Variants in OCA2 observed in about 807,000 individuals in gnomAD.
OCA2 encodes OCA2 melanosomal transmembrane protein.
A neutral mutation model predicts 100.2 loss-of-function variants in OCA2; 77 were observed. The observed-to-expected ratio is 0.77, with a 90% CI of 0.64 to 0.93. The LOEUF is 0.93. Among genes scored for constraint, OCA2 ranks in the 40% least tolerant of loss-of-function variants. The pLI is 0.00. For synonymous variants in OCA2, 432 were observed against 439.2 expected, an observed-to-expected ratio of 0.98 and a Z score of 0.21; for missense variants, 1,062 against 1,089.1, an observed-to-expected ratio of 0.98 and a Z score of 0.35.
At chr15:28,034,306 C>T (rs1028872876) in intron 2 of OCA2, among the ~76,000 whole-genome samples, 1 of 151,988 alleles carries the variant, frequency 6.6e-6, no homozygotes. Context: ...AACAAAAATC[C>T]TTGGTTTTCT....
chr15:28,054,482 C>T (rs1325749952), intron 2 of OCA2, among the ~76,000 whole-genome samples: 1 of 152,180 alleles, frequency 6.6e-6, no homozygotes, highest in Middle Eastern at 3.2e-3. Flanking sequence ...CTCCCACACC[C>T]ATCTTGACTG....
rs377415710 is a variant in OCA2 at position 27,919,115 on chromosome 15, C to T, written c.2079+7012G>A. On this transcript the variant is annotated intron_variant, in intron 19 of 23. Transcript: ENST00000354638. ...AAAGAATCATGATTACTCTCATACC[C>T]ACAATTATATGAGGAGGTGCTAGGT... Among the ~76,000 whole-genome samples the T allele has an allele frequency of 1.2e-4, 19 of 152,212 alleles. No individual in the cohort carries two copies. In the South Asian group the frequency reaches 2.5e-3, roughly 20 times the overall value.
chr15:28,017,622 C>A (rs2042439734), intron 7 of OCA2, among the ~76,000 whole-genome samples: 1 of 152,210 alleles, frequency 6.6e-6, no homozygotes, highest in Non-Finnish European at 1.5e-5. Flanking sequence ...CATAATGAGA[C>A]CTTTGCTCTG....
At chr15:28,023,882 T>C (rs561618230) in intron 5 of OCA2, among the ~76,000 whole-genome samples, 18 of 149,960 alleles carry the variant, frequency 1.2e-4, no homozygotes, top group African/African-American at 3.9e-4. Context: ...CACACAGACA[T>C]AGAGCAGGCA....
At chr15:27,989,742 C>G (rs1474528006) in intron 10 of OCA2, 76 bp from the exon 11 acceptor site, 1 of 1,333,198 alleles carries the variant, frequency 7.5e-7, no homozygotes, top group South Asian at 1.2e-5. Context: ...AGCGCTGCCC[C>G]CTGCTGCAGA....
intron 21 of OCA2, among the ~76,000 whole-genome samples, chr15:27,861,709 T>C (rs1207166596): frequency 6.6e-6 from 1 of 152,028 alleles, no homozygotes. Context: ...CCATGGATTA[T>C]GGAAGAAAAA....
chr15:27,796,212 C>A (rs937324687), intron 23 of OCA2, among the ~76,000 whole-genome samples: 1 of 152,242 alleles, frequency 6.6e-6, no homozygotes, highest in African/African-American at 2.4e-5. Context: ...TCCTGGACAT[C>A]CATGCTAATT....
intron 19 of OCA2, among the ~76,000 whole-genome samples, chr15:27,874,951 A>G (rs1172179092): frequency 2.0e-5 from 3 of 152,248 alleles, no homozygotes; most frequent in South Asian, 4.1e-4. Context: ...ATGCAGCTAC[A>G]GGGAAATTTA....
chr15:27,730,308 A>T, the OCA2 span, among the ~76,000 whole-genome samples: 1 of 152,158 alleles, frequency 6.6e-6, no homozygotes, highest in African/African-American at 2.4e-5. Context: ...GGAGGGGTGC[A>T]CCGAGCTTCC....
At chr15:27,935,214 G>T (rs2039408951) in intron 18 of OCA2, among the ~76,000 whole-genome samples, 1 of 152,194 alleles carries the variant, frequency 6.6e-6, no homozygotes, top group Non-Finnish European at 1.5e-5. Context: ...GTTGAGTGGA[G>T]ATGAATACAG....
At chr15:28,059,639 T>C (rs940829144) in intron 2 of OCA2, among the ~76,000 whole-genome samples, 1 of 152,216 alleles carries the variant, frequency 6.6e-6, no homozygotes, top group African/African-American at 2.4e-5. Flanking sequence ...AAAAGAACAA[T>C]TTTTAAAGAC....
chr15:27,799,282 G>T (rs567175782), intron 23 of OCA2, among the ~76,000 whole-genome samples: 1 of 152,298 alleles, frequency 6.6e-6, no homozygotes, highest in East Asian at 1.9e-4. Context: ...ACACAGCAGT[G>T]AACACGTAGA....
chr15:27,964,439 G>A (rs1595728111), intron 15 of OCA2, among the ~76,000 whole-genome samples: 1 of 152,214 alleles, frequency 6.6e-6, no homozygotes, highest in African/African-American at 2.4e-5. Context: ...CACCTGGCAG[G>A]CTGGCCTGTC....
At position 27,983,392 on chromosome 15, in the gene OCA2, C is replaced by A. The variant is rs772324459; in HGVS notation, c.1456G>T (p.Asp486Tyr). ...NIGGAATAIG[D>Y]PPNVIIVSNQ... ...GAAACAATAATGACATTTGGAGGGT[C>A]CCCGATGGCAGTGGCAGCTCCTCCA... The change falls in exon 14 of 24, where the codon GAC becomes TAC. Residue 486 changes from aspartate (D) to tyrosine (Y), a missense_variant. Physicochemically the swap from Asp to Tyr is radical, Grantham distance 160 (BLOSUM62 -3). Coordinates refer to ENST00000354638, the MANE Select transcript of OCA2 (RefSeq NM_000275.3). The A allele has an allele frequency of 8.7e-6, 14 of 1,614,170 alleles. 1 individual carries two copies. The South Asian group carries it at 1.5e-4, about 18-fold the overall frequency.
intron 23 of OCA2, among the ~76,000 whole-genome samples, chr15:27,769,210 G>C (rs144923365): frequency 8.0e-4 from 122 of 152,234 alleles, no homozygotes; most frequent in South Asian, 2.7e-3. Context: ...ATCCATTCTG[G>C]CTCTCTCACC....
chr15:27,748,747 A>C, the OCA2 span, among the ~76,000 whole-genome samples: 1 of 152,242 alleles, frequency 6.6e-6, no homozygotes, highest in African/African-American at 2.4e-5. Flanking sequence ...TCTAAAGCCT[A>C]TATTACAAAA....
intron 9 of OCA2, among the ~76,000 whole-genome samples, chr15:28,008,117 C>G (rs1031125411): frequency 1.3e-5 from 2 of 152,186 alleles, no homozygotes; most frequent in Admixed American, 6.5e-5. Flanking sequence ...ACAAAAGCAA[C>G]CAACAACAGA....
Position 28,018,482 on chromosome 15 carries a change from G to A in OCA2, c.722C>T (p.Pro241Leu), listed in dbSNP as rs2305253. The A allele has an allele frequency of 1.4e-5, 22 of 1,613,470 alleles. No individual in the cohort carries two copies. The East Asian group carries it at 1.6e-4, about 11-fold the overall frequency. Residue 241 changes from proline (P) to leucine (L), a missense_variant, in exon 7 of 24, where the codon CCG (proline) becomes CTG (leucine). By Grantham distance (98) the Pro-to-Leu change is moderately conservative (BLOSUM62 -3). Transcript: ENST00000354638. ...GTGCTCTTCCCTCCCAGGACGACTC[G>A]GCCCACTGGCCACTAGGGCCCCTGC... ...DLAGALVASG[P>L]SRPGREEHIV...
chr15:27,887,876 CA>C (rs1242613500), intron 19 of OCA2, among the ~76,000 whole-genome samples: 4 of 151,554 alleles, frequency 2.6e-5, no homozygotes, highest in Non-Finnish European at 5.9e-5. Context: ...GCTCTGCCAG[CA>C]AAGGTAACCA....
Sources: gnomAD v4.1 joint callset for allele counts (sites outside exome capture counted in the v4.1 genomes callset) on GRCh38, gnomAD v4.1.1 for gene constraint, MANE v1.5 for transcripts, NCBI Gene and HGNC (gene_info 2026-07-23, HGNC 2026-07-21) for gene names.